The following KCNN3 variants were observed in gnomAD, a reference collection of about 807,000 sequenced individuals.
KCNN3 encodes small conductance calcium-activated potassium channel protein 3.
Under a neutral mutation model 62.9 loss-of-function variants are expected in KCNN3, and 16 were observed. The ratio of observed to expected loss-of-function variants is 0.25; its 90% CI spans 0.17 to 0.39. KCNN3 has a LOEUF of 0.39. KCNN3 is among the 10% of genes least tolerant of loss of function. KCNN3 has a pLI of 1.00. For synonymous variants in KCNN3, 370 were observed against 389.2 expected, an observed-to-expected ratio of 0.95 and a Z score of 0.58; for missense variants, 599 against 949.4, an observed-to-expected ratio of 0.63 and a Z score of 4.85.
chr1:154,743,059 C>T (rs1043206594), intron 3 of KCNN3, among the ~76,000 whole-genome samples: 5 of 152,186 alleles, frequency 3.3e-5, no homozygotes, highest in African/African-American at 1.2e-4. Flanking sequence ...CAAAATATCT[C>T]CAGAATCGGA....
chr1:154,804,761 C>T (rs1399203005), intron 2 of KCNN3, among the ~76,000 whole-genome samples: 22 of 152,112 alleles, frequency 1.4e-4, no homozygotes, highest in Non-Finnish European at 4.4e-5. Context: ...TAGGTAACGG[C>T]TATTCTGATC....
Position 154,785,812 on chromosome 1 carries a change from G to A in KCNN3, c.1030-13419C>T, listed in dbSNP as rs534970969. On this transcript the variant is annotated intron_variant, in intron 2 of 7. Coordinates refer to ENST00000271915, the MANE Select transcript of KCNN3 (RefSeq NM_002249.6). The stretch of plus-strand genomic sequence containing the variant: ...GGTGGGGTTTTGCGATGTTGGCCAG[G>A]CTGGTCTCAAACTCCTAGCCTCATA... 5.4e-4 allele frequency among the ~76,000 whole-genome samples: 82 copies of A among 151,994 alleles called. 1 individual carries two copies. The highest frequency in any genetic ancestry group is 3.5e-3 in the South Asian group (17 of 4,806).
intron 1 of KCNN3, among the ~76,000 whole-genome samples, chr1:154,828,405 G>A (rs1437927601): frequency 6.6e-6 from 1 of 151,504 alleles, no homozygotes; most frequent in Non-Finnish European, 1.5e-5. Context: ...AATGTTGGGT[G>A]TGAAACGGTC....
At chr1:154,836,194 G>A (rs1651575075) in intron 1 of KCNN3, among the ~76,000 whole-genome samples, 1 of 152,326 alleles carries the variant, frequency 6.6e-6, no homozygotes, top group African/African-American at 2.4e-5. Context: ...CCTTCTTTGA[G>A]TGTTGAGCAG....
intron 3 of KCNN3, among the ~76,000 whole-genome samples, chr1:154,750,244 C>T (rs921342814): frequency 2.6e-5 from 4 of 152,140 alleles, no homozygotes; most frequent in African/African-American, 4.8e-5. Flanking sequence ...GCTGGTGCAC[C>T]CCAAGCTCTG....
At chr1:154,735,971 G>C (rs1373642894) in intron 3 of KCNN3, among the ~76,000 whole-genome samples, 2 of 152,192 alleles carry the variant, frequency 1.3e-5, no homozygotes, top group African/African-American at 4.8e-5. Context: ...TCACAGCCAG[G>C]GTCCTCAGTT....
intron 3 of KCNN3, among the ~76,000 whole-genome samples, chr1:154,748,606 G>A (rs142389303): frequency 3.9e-5 from 6 of 152,216 alleles, no homozygotes; most frequent in African/African-American, 1.2e-4. Context: ...AGCTTTATGC[G>A]CATTACTGAA....
intron 7 of KCNN3, among the ~76,000 whole-genome samples, chr1:154,709,379 C>T (rs1278069438): frequency 6.6e-6 from 1 of 152,088 alleles, no homozygotes; most frequent in Non-Finnish European, 1.5e-5. Context: ...TACTGTGGCT[C>T]TTTGGGTTTC....
At chr1:154,860,720 G>A (rs1652736655) in intron 1 of KCNN3, among the ~76,000 whole-genome samples, 2 of 152,226 alleles carry the variant, frequency 1.3e-5, no homozygotes, top group East Asian at 1.9e-4. Flanking sequence ...TGCAGACAGT[G>A]GAGGGGTGAC....
intron 7 of KCNN3, among the ~76,000 whole-genome samples, chr1:154,710,440 C>T (rs1476900366): frequency 1.3e-5 from 2 of 152,076 alleles, no homozygotes; most frequent in South Asian, 2.1e-4. Context: ...CCCCAGATCT[C>T]CCCACGGGGG....
intron 2 of KCNN3, among the ~76,000 whole-genome samples, chr1:154,810,435 T>G (rs1650356544): frequency 1.4e-5 from 2 of 142,078 alleles, no homozygotes; most frequent in Admixed American, 1.3e-4. Context: ...CAGTGAGGCT[T>G]CAAGGAAGAC....
intron 1 of KCNN3, among the ~76,000 whole-genome samples, chr1:154,826,662 T>G (rs1222226831): frequency 6.6e-6 from 1 of 152,238 alleles, no homozygotes; most frequent in Non-Finnish European, 1.5e-5. Flanking sequence ...CCCCTGAGGC[T>G]GTGCAGAGGG....
chr1:154,703,157 C>T lies in KCNN3; in HGVS notation c.*4819G>A, dbSNP rs902159211. ...TGTTTCAATAAAAATCTACATATTA[C>T]TCGTCTAACAGGAGTTTAACATTAA... On this transcript the variant is annotated 3_prime_UTR_variant, in exon 8 of 8. Coordinates refer to ENST00000271915, the MANE Select transcript of KCNN3 (RefSeq NM_002249.6). 3 of 152,058 alleles carry T rather than the reference C, an allele frequency of 2.0e-5. No individual in the cohort carries two copies. Among genetic ancestry groups the T allele is most frequent in the African/African-American group, 7.2e-5 (3 of 41,380 alleles). The allele number at this position is 152,058 out of a possible 1,614,324, so 9.4% of individuals were successfully genotyped here. A position where few individuals can be genotyped will look rare whatever the true frequency, so the allele number is the denominator to read the frequency against.
intron 1 of KCNN3, among the ~76,000 whole-genome samples, chr1:154,847,419 G>A (rs996307400): frequency 6.6e-6 from 1 of 152,180 alleles, no homozygotes; most frequent in Non-Finnish European, 1.5e-5. Flanking sequence ...GGACCACGGG[G>A]AGTCACCAAT....
intron 1 of KCNN3, chr1:154,868,259 C>T (rs754735745): frequency 1.0e-6 from 1 of 985,608 alleles, no homozygotes; most frequent in Non-Finnish European, 1.2e-6. Flanking sequence ...CCAGGTAACA[C>T]CTGTAGCCAT....
At chr1:154,856,788 C>T (rs888550674) in intron 1 of KCNN3, among the ~76,000 whole-genome samples, 5 of 152,182 alleles carry the variant, frequency 3.3e-5, no homozygotes, top group South Asian at 2.1e-4. Context: ...ACACAGCCAG[C>T]GCTGTACCCA....
intron 3 of KCNN3, among the ~76,000 whole-genome samples, chr1:154,758,062 C>A (rs888986735): frequency 6.6e-6 from 1 of 152,178 alleles, no homozygotes; most frequent in Non-Finnish European, 1.5e-5. Context: ...TTCTTTCGTG[C>A]GGACCCAGAG....
rs200301574 is a variant in KCNN3 at position 154,767,349 on chromosome 1, AT to A, written c.1448+4625del. On this transcript the variant is annotated intron_variant, in intron 3 of 7. Coordinates refer to ENST00000271915, the MANE Select transcript of KCNN3 (RefSeq NM_002249.6). The stretch of plus-strand genomic sequence containing the variant: ...GGACACTGAGACAGCCTGTTGCAGA[AT>A]TTGGAGCCTCAGGAGGGACCAAAGT... Among the ~76,000 whole-genome samples, 11 of 152,326 alleles carry A rather than the reference AT, an allele frequency of 7.2e-5. No homozygotes were observed. The East Asian group carries it at 2.1e-3, about 29-fold the overall frequency.
At chr1:154,783,077 G>A (rs1275258017) in intron 2 of KCNN3, among the ~76,000 whole-genome samples, 6 of 151,840 alleles carry the variant, frequency 4.0e-5, no homozygotes, top group Non-Finnish European at 5.9e-5. Context: ...GCCGGGCGTG[G>A]TGGTGGGCGC....
Sources: allele counts gnomAD v4.1 joint callset (sites outside exome capture counted in the v4.1 genomes callset), GRCh38; gene constraint gnomAD v4.1.1; transcripts MANE v1.5; gene names NCBI Gene and HGNC (gene_info 2026-07-23, HGNC 2026-07-21).